Variants in NEDD4 observed in about 807,000 individuals in gnomAD.
NEDD4 encodes NEDD4 E3 ubiquitin protein ligase.
In NEDD4, 99 loss-of-function variants were observed where a neutral mutation model predicts 144.9. That is an observed-to-expected ratio of 0.68 (90% CI 0.58 to 0.81). The LOEUF is 0.81. NEDD4 is among the 30% of genes least tolerant of loss of function. The pLI is 0.00. For missense variants in NEDD4, 985 were observed against 1,065.9 expected (o/e 0.92, Z 1.06); for synonymous variants, 318 against 350.6 (o/e 0.91, Z 1.04).
intron 12 of NEDD4, among the ~76,000 whole-genome samples, chr15:55,854,650 C>A (rs116220048): frequency 1.3e-5 from 2 of 152,056 alleles, no homozygotes; most frequent in Non-Finnish European, 2.9e-5. Context: ...TTGGGGGTGA[C>A]AGAAGTTTCT....
intron 4 of NEDD4, among the ~76,000 whole-genome samples, chr15:55,931,902 C>G (rs1444677306): frequency 1.3e-5 from 2 of 152,182 alleles, no homozygotes; most frequent in East Asian, 3.8e-4. Context: ...TTTTAACAGA[C>G]ACTCCCCATT....
At position 55,912,937 on chromosome 15, in the gene NEDD4, T is replaced by C. The variant is rs143591116; in HGVS notation, c.291+11709A>G. ...TACAAAGTCTCATCTTCACTCTAAG[T>C]TGTAAACACAGAACACAGACAGTGT... On this transcript the variant is annotated intron_variant, in intron 5 of 28. Transcript: ENST00000435532. Among the ~76,000 whole-genome samples, 438 of 152,252 alleles carry C rather than the reference T, an allele frequency of 2.9e-3. 1 individual carries two copies. The highest frequency in any genetic ancestry group is 0.01 in the African/African-American group (418 of 41,570).
chr15:55,919,733 G>T (rs2036534618), intron 5 of NEDD4, among the ~76,000 whole-genome samples: 1 of 152,176 alleles, frequency 6.6e-6, no homozygotes, highest in African/African-American at 2.4e-5. Context: ...TCTTAGGATT[G>T]AAGCTAAGAA....
chr15:55,978,821 T>C (rs1452695290), intron 1 of NEDD4, among the ~76,000 whole-genome samples: 2 of 151,544 alleles, frequency 1.3e-5, no homozygotes, highest in East Asian at 3.9e-4. Flanking sequence ...GTGTTATCTA[T>C]GCGGGCAGCG....
At chr15:55,859,558 G>A (rs1231624879) in intron 11 of NEDD4, among the ~76,000 whole-genome samples, 7 of 152,122 alleles carry the variant, frequency 4.6e-5, no homozygotes, top group South Asian at 2.1e-4. Context: ...TTAGCTGGGC[G>A]TGGTGGTGTG....
intron 5 of NEDD4, among the ~76,000 whole-genome samples, chr15:55,892,729 G>C (rs1165765116): frequency 6.6e-6 from 1 of 152,024 alleles, no homozygotes. Flanking sequence ...CATCCCTTTA[G>C]AGTTTTCTCT....
At chr15:55,979,928 T>G (rs2037771170) in intron 1 of NEDD4, among the ~76,000 whole-genome samples, 1 of 146,370 alleles carries the variant, frequency 6.8e-6, no homozygotes, top group Non-Finnish European at 1.5e-5. Flanking sequence ...TTTTTTTTTT[T>G]GAGATGGAGT....
Position 55,872,431 on chromosome 15 carries a change from C to A in NEDD4, c.388G>T (p.Val130Phe). 2 of 1,468,162 alleles carry A rather than the reference C, an allele frequency of 1.4e-6. No homozygotes were observed. Among genetic ancestry groups the A allele is most frequent in the Admixed American group, 2.3e-5 (1 of 43,346 alleles). 90.9% of individuals were successfully genotyped at this position (1,468,162 alleles called of 1,614,324 possible). A position where few individuals can be genotyped will look rare whatever the true frequency, so the allele number is the denominator to read the frequency against. The change falls in exon 7 of 29, where the codon GTT (valine) becomes TTT (phenylalanine). Residue 130 changes from valine to phenylalanine, a missense_variant. Coordinates refer to ENST00000435532, the MANE Select transcript of NEDD4 (RefSeq NM_006154.4). ...LERPYTFKDF[V>F]LHPRSHKSRV... ...TTTACTGACCTTCTTGGATGAAGAA[C>A]AAAATCCTTAAATGTATATGGTCTC...
chr15:55,865,224 T>C (rs946706865), intron 8 of NEDD4, among the ~76,000 whole-genome samples: 27 of 145,488 alleles, frequency 1.9e-4, no homozygotes, highest in Non-Finnish European at 3.8e-4. Context: ...AAAAACTTTA[T>C]AGGAATTTAG....
At chr15:55,977,816 G>C (rs2037731674) in intron 1 of NEDD4, among the ~76,000 whole-genome samples, 1 of 151,608 alleles carries the variant, frequency 6.6e-6, no homozygotes, top group African/African-American at 2.4e-5. Flanking sequence ...AATATTCCAT[G>C]GGCCCTGATG....
intron 24 of NEDD4, among the ~76,000 whole-genome samples, chr15:55,836,336 ACACACAC>A (rs2033193703): frequency 4.3e-4 from 1 of 2,324 alleles, no homozygotes; most frequent in East Asian, 0.071. Flanking sequence ...TATGTGACAC[ACACACAC>A]ACACACACAC....
At chr15:55,873,351 A>G (rs2034873843) in intron 6 of NEDD4, among the ~76,000 whole-genome samples, 2 of 152,006 alleles carry the variant, frequency 1.3e-5, no homozygotes, top group South Asian at 4.2e-4. Context: ...TTAAACTTTC[A>G]TTTTCTTTGT....
intron 24 of NEDD4, among the ~76,000 whole-genome samples, chr15:55,836,557 G>A (rs112782806): frequency 2.0e-5 from 3 of 151,692 alleles, no homozygotes; most frequent in Admixed American, 1.3e-4. Context: ...ACGGAGTCTC[G>A]CTCTGTTGCC....
chr15:55,951,316 C>A, intron 4 of NEDD4, 60 bp downstream of exon 4: 1 of 707,548 alleles, frequency 1.4e-6, no homozygotes, highest in South Asian at 1.9e-5. Flanking sequence ...ATTTATCATT[C>A]TAACCTCCTA....
intron 1 of NEDD4, among the ~76,000 whole-genome samples, chr15:55,981,818 C>T (rs890970159): frequency 6.6e-6 from 1 of 152,158 alleles, no homozygotes; most frequent in Admixed American, 6.5e-5. Flanking sequence ...TTCAGATGGA[C>T]ACTAAAGTTG....
At chr15:55,989,197 T>C (rs1439906567) in intron 1 of NEDD4, among the ~76,000 whole-genome samples, 6 of 152,116 alleles carry the variant, frequency 3.9e-5, no homozygotes, top group South Asian at 2.1e-4. Context: ...GATCACGCCA[T>C]TGCACTCCAG....
intron 1 of NEDD4, among the ~76,000 whole-genome samples, chr15:55,986,628 C>T (rs916568802): frequency 2.2e-5 from 3 of 138,114 alleles, no homozygotes; most frequent in African/African-American, 5.5e-5. Context: ...CTCGCTCCGT[C>T]GCCGAGGCTG....
rs1371636572 is a variant in NEDD4 at position 55,827,871 on chromosome 15, A to G, written c.*2026T>C. 1 of 152,170 alleles carries G rather than the reference A, an allele frequency of 6.6e-6. No individual in the cohort carries two copies. 9.4% of individuals were successfully genotyped at this position (152,170 alleles called of 1,614,324 possible). ...GACGGTCAGCACAAAGCACCTTCTG[A>G]TTGTATAACACTTTACAAAGTACTT... On this transcript the variant is annotated 3_prime_UTR_variant, in exon 29 of 29. Transcript: ENST00000435532.
chr15:55,946,683 C>T (rs1403584839), intron 4 of NEDD4, among the ~76,000 whole-genome samples: 4 of 152,204 alleles, frequency 2.6e-5, no homozygotes, highest in African/African-American at 9.6e-5. Flanking sequence ...GAACTCTCCA[C>T]CCCAAATCAA....
Sources: allele counts gnomAD v4.1 joint callset (sites outside exome capture counted in the v4.1 genomes callset), GRCh38; gene constraint gnomAD v4.1.1; transcripts MANE v1.5; gene names NCBI Gene and HGNC (gene_info 2026-07-23, HGNC 2026-07-21).